Variants in CHN2 observed in about 807,000 individuals in gnomAD.
CHN2 encodes beta-chimaerin.
Under a neutral mutation model 56.3 loss-of-function variants are expected in CHN2, and 35 were observed. That is an observed-to-expected ratio of 0.62 (90% confidence interval 0.47 to 0.82). The LOEUF (loss-of-function observed/expected upper bound fraction) is 0.82, where lower values mean the gene tolerates loss of function less well. Ranked by LOEUF, CHN2 falls within the 40% of genes least tolerant of loss-of-function variation. CHN2 has a pLI of 0.00. For missense variants in CHN2, 491 were observed against 580.5 expected (o/e 0.85, Z 1.58); for synonymous variants, 210 against 212.8 (o/e 0.99, Z 0.12).
At chr7:29,353,609 G>A (rs945323188) in intron 1 of CHN2, among the ~76,000 whole-genome samples, 1 of 152,198 alleles carries the variant, frequency 6.6e-6, no homozygotes, top group Non-Finnish European at 1.5e-5. Context: ...AGCAGCCTGG[G>A]TAACAGAACG....
At chr7:29,297,681 G>C (rs1793294476) in intron 1 of CHN2, among the ~76,000 whole-genome samples, 1 of 151,992 alleles carries the variant, frequency 6.6e-6, no homozygotes, top group South Asian at 2.1e-4. Flanking sequence ...TTACCCTTTT[G>C]CCAGCATGTT....
chr7:29,430,157 G>T (rs548668015), intron 6 of CHN2, among the ~76,000 whole-genome samples: 1 of 152,322 alleles, frequency 6.6e-6, no homozygotes, highest in Non-Finnish European at 1.5e-5. Context: ...AAACTGTGCA[G>T]GGCATTTGTT....
chr7:29,304,830 A>G (rs1019584295), intron 1 of CHN2, among the ~76,000 whole-genome samples: 2 of 152,210 alleles, frequency 1.3e-5, no homozygotes, highest in African/African-American at 4.8e-5. Context: ...GAATGGTTTA[A>G]ATAAGTGTCG....
chr7:29,273,993 A>G (rs1790972918), intron 1 of CHN2, among the ~76,000 whole-genome samples: 2 of 152,208 alleles, frequency 1.3e-5, no homozygotes, highest in Admixed American at 1.3e-4. Flanking sequence ...CCCTAGGTGC[A>G]CACTCCCCAA....
intron 1 of CHN2, among the ~76,000 whole-genome samples, chr7:29,314,415 C>T (rs892169901): frequency 1.3e-5 from 2 of 152,112 alleles, no homozygotes; most frequent in African/African-American, 4.8e-5. Flanking sequence ...GTTTAATTGG[C>T]CTTGTTGCAG....
chr7:29,200,432 C>G (rs1784064247), intron 1 of CHN2, among the ~76,000 whole-genome samples: 1 of 141,188 alleles, frequency 7.1e-6, no homozygotes, highest in African/African-American at 2.6e-5. Context: ...TTCCTTCTTT[C>G]CTTCCTTCCT....
intron 2 of CHN2, among the ~76,000 whole-genome samples, chr7:29,186,750 G>A (rs1258772258): frequency 6.6e-6 from 1 of 151,916 alleles, no homozygotes; most frequent in East Asian, 1.9e-4. Flanking sequence ...CATAACAGCA[G>A]GCTGAAATTT....
chr7:29,471,486 G>T (rs1786029925), intron 6 of CHN2, among the ~76,000 whole-genome samples: 1 of 152,182 alleles, frequency 6.6e-6, no homozygotes, highest in South Asian at 2.1e-4. Flanking sequence ...GAAGCATCAG[G>T]TTATTTATTT....
chr7:29,421,298 C>T (rs1562593944), intron 6 of CHN2, among the ~76,000 whole-genome samples: 1 of 152,184 alleles, frequency 6.6e-6, no homozygotes, highest in Non-Finnish European at 1.5e-5. Context: ...CTTCAGCCTA[C>T]CCAAGGGCAG....
At chr7:29,182,538 G>A (rs536854772) in intron 2 of CHN2, among the ~76,000 whole-genome samples, 6 of 152,294 alleles carry the variant, frequency 3.9e-5, no homozygotes, top group South Asian at 4.1e-4. Context: ...TATTACCCAC[G>A]TTAAGCCTCC....
intron 1 of CHN2, among the ~76,000 whole-genome samples, chr7:29,346,139 G>C (rs1797417965): frequency 6.6e-6 from 1 of 152,156 alleles, no homozygotes; most frequent in South Asian, 2.1e-4. Flanking sequence ...GCAGCAGTCA[G>C]GATGACCTCC....
intron 1 of CHN2, among the ~76,000 whole-genome samples, chr7:29,215,239 T>G (rs995039191): frequency 1.3e-5 from 2 of 152,216 alleles, no homozygotes; most frequent in Admixed American, 1.3e-4. Context: ...GTTTCATAGA[T>G]GCCAGCAGAA....
chr7:29,283,333 G>A (rs1223131777), intron 1 of CHN2, among the ~76,000 whole-genome samples: 1 of 152,176 alleles, frequency 6.6e-6, no homozygotes, highest in Admixed American at 6.5e-5. Context: ...GCACTGAGCG[G>A]AAAAGCTAGG....
intron 1 of CHN2, among the ~76,000 whole-genome samples, chr7:29,300,550 A>G (rs1478619600): frequency 6.6e-6 from 1 of 152,176 alleles, no homozygotes; most frequent in Non-Finnish European, 1.5e-5. Context: ...TTGTGCTCAA[A>G]ATAGCCAGAG....
chr7:29,370,636 C>T lies in CHN2; in HGVS notation c.144+2649C>T, dbSNP rs191940642. Among the ~76,000 whole-genome samples the T allele has an allele frequency of 1.6e-3, 238 of 152,154 alleles. 1 individual carries two copies. Among genetic ancestry groups the T allele is most frequent in the Non-Finnish European group, 2.8e-3 (191 of 68,008 alleles). On this transcript the variant is annotated intron_variant, in intron 3 of 12. Transcript: ENST00000222792. ...GTTTCTCTGATGACTCATACTTTCC[C>T]GGGCCATGGGCCTCTCCCAGATTAG...
In CHN2 at chr7:29,367,913, T is replaced by C. The variant is rs773845997; in HGVS notation, c.89-19T>C. ...CTAATTCTAATTATTTCTCTCTCTC[T>C]CTCTCTCTTTTTTGGCAGTATATCA... is the stretch of plus-strand genomic sequence containing the variant. On this transcript the variant is annotated intron_variant, in intron 2 of 12. Coordinates refer to ENST00000222792, the MANE Select transcript of CHN2 (RefSeq NM_004067.4). 7.5e-6 allele frequency: 12 copies of C among 1,606,492 alleles called. No homozygotes were observed. Among genetic ancestry groups the C allele is most frequent in the African/African-American group, 1.3e-5 (1 of 74,614 alleles).
chr7:29,203,540 G>A (rs1468767723), intron 1 of CHN2, among the ~76,000 whole-genome samples: 1 of 146,868 alleles, frequency 6.8e-6, no homozygotes, highest in African/African-American at 2.5e-5. Context: ...AATTTTACCT[G>A]TTTTTTAAAA....
intron 1 of CHN2, among the ~76,000 whole-genome samples, chr7:29,252,187 A>ATTT (rs3046893): frequency 0.019 from 2,126 of 113,836 alleles, 129 homozygotes; most frequent in African/African-American, 0.068. Flanking sequence ...ATTATACAGG[A>ATTT]TTTTTTTTTT....
At chr7:29,273,359 A>ATATATATATATATATGTG (rs1790875711) in intron 1 of CHN2, among the ~76,000 whole-genome samples, 1 of 77,536 alleles carries the variant, frequency 1.3e-5, no homozygotes, top group African/African-American at 5.4e-5. Context: ...ATATATATAT[A>ATATATATATATATATGTG]TATATATATA....
Sources: allele counts gnomAD v4.1 joint callset (sites outside exome capture counted in the v4.1 genomes callset), GRCh38; gene constraint gnomAD v4.1.1; transcripts MANE v1.5; gene names NCBI Gene and HGNC (gene_info 2026-07-23, HGNC 2026-07-21).